The following RARB variants were observed in gnomAD, a reference collection of about 807,000 sequenced individuals.
RARB encodes retinoic acid receptor beta.
In RARB, 17 loss-of-function variants were observed where a neutral mutation model predicts 51.9. That is an observed-to-expected ratio of 0.33 (90% CI 0.22 to 0.49). The LOEUF (loss-of-function observed/expected upper bound fraction) is 0.49. Among genes scored for constraint, RARB ranks in the 20% least tolerant of loss-of-function variants. RARB has a pLI of 0.99. For synonymous variants in RARB, 215 were observed against 195.4 expected, an observed-to-expected ratio of 1.10 and a Z score of -0.84; for missense variants, 369 against 550.8, an observed-to-expected ratio of 0.67 and a Z score of 3.30.
At chr3:25,398,647 C>G (rs1042343247) in intron 5 of RARB, among the ~76,000 whole-genome samples, 2 of 152,150 alleles carry the variant, frequency 1.3e-5, no homozygotes, top group Non-Finnish European at 1.5e-5. Flanking sequence ...TTTCTTCTCC[C>G]TATATGGGAA....
At chr3:24,877,043 T>C (rs1417876811) in intron 2 of RARB, among the ~76,000 whole-genome samples, 1 of 152,172 alleles carries the variant, frequency 6.6e-6, no homozygotes, top group Non-Finnish European at 1.5e-5. Flanking sequence ...GTAAATGTAT[T>C]TGTTTTATCA....
At chr3:25,389,683 C>T (rs6771459) in intron 5 of RARB, among the ~76,000 whole-genome samples, 4,606 of 152,254 alleles carry the variant, frequency 0.03, 231 homozygotes, top group African/African-American at 0.1. Context: ...TCCCTTCTGT[C>T]TTCAGTACAG....
At position 25,229,305 on chromosome 3, in the gene RARB, TA is replaced by T. The variant is rs1057026153; in HGVS notation, c.178+54731del. Among the ~76,000 whole-genome samples, 7 of 152,168 alleles carry T rather than the reference TA, an allele frequency of 4.6e-5. No individual in the cohort carries two copies. The East Asian group carries it at 1.3e-3, about 29-fold the overall frequency. On this transcript the variant is annotated intron_variant, in intron 5 of 11. Coordinates refer to the RARB transcript ENST00000383772. ...CTTCTACGCATTTTAAGAAAGATAA[TA>T]TACATAACTTTATTATCTTTTACCA...
chr3:25,337,747 G>T (rs1705105360), intron 5 of RARB, among the ~76,000 whole-genome samples: 2 of 151,968 alleles, frequency 1.3e-5, no homozygotes, highest in South Asian at 4.2e-4. Flanking sequence ...TTTGTGTGCA[G>T]CACTATTACC....
At chr3:25,419,226 AT>A (rs1209303989) in intron 5 of RARB, among the ~76,000 whole-genome samples, 1 of 152,114 alleles carries the variant, frequency 6.6e-6, no homozygotes, top group Non-Finnish European at 1.5e-5. Context: ...CAGGGAGGGC[AT>A]CTCTGACATG....
At chr3:25,005,851 T>A (rs760693913) in intron 2 of RARB, among the ~76,000 whole-genome samples, 1 of 152,150 alleles carries the variant, frequency 6.6e-6, no homozygotes, top group Non-Finnish European at 1.5e-5. Context: ...TTCAATGGTT[T>A]TCTATTTCAC....
intron 5 of RARB, among the ~76,000 whole-genome samples, chr3:25,250,135 G>A (rs1702675551): frequency 6.6e-6 from 1 of 152,178 alleles, no homozygotes; most frequent in South Asian, 2.1e-4. Flanking sequence ...AGGCCTGCAG[G>A]TGGCATGTAC....
At chr3:25,069,818 A>G (rs1698733253) in intron 3 of RARB, among the ~76,000 whole-genome samples, 1 of 152,190 alleles carries the variant, frequency 6.6e-6, no homozygotes, top group Non-Finnish European at 1.5e-5. Context: ...GAGACACAAA[A>G]TGAACAGTAC....
At chr3:25,126,023 G>A (rs920793393) in intron 3 of RARB, among the ~76,000 whole-genome samples, 9 of 152,116 alleles carry the variant, frequency 5.9e-5, no homozygotes, top group African/African-American at 2.2e-4. Context: ...CTGTATAAAT[G>A]GTTCCATTCT....
chr3:25,369,507 C>T (rs1256675998), intron 5 of RARB, among the ~76,000 whole-genome samples: 1 of 152,166 alleles, frequency 6.6e-6, no homozygotes, highest in Non-Finnish European at 1.5e-5. Flanking sequence ...AGTCCCATGG[C>T]AAAGAAATAT....
intron 3 of RARB, among the ~76,000 whole-genome samples, chr3:25,556,028 G>A (rs1052777988): frequency 7.4e-5 from 11 of 149,176 alleles, no homozygotes; most frequent in African/African-American, 2.7e-4. Context: ...TGACCCCTTA[G>A]CAGAAGCATT....
At chr3:25,457,992 C>T (rs1445916456) in intron 1 of RARB, among the ~76,000 whole-genome samples, 1 of 152,188 alleles carries the variant, frequency 6.6e-6, no homozygotes. Context: ...AATCAAACCA[C>T]TCCAAAAGGT....
At chr3:25,568,756 T>G (rs1345079067) in intron 3 of RARB, among the ~76,000 whole-genome samples, 1 of 152,206 alleles carries the variant, frequency 6.6e-6, no homozygotes, top group Non-Finnish European at 1.5e-5. Context: ...AGTGGTGGCA[T>G]GCACAGCCAG....
intron 5 of RARB, among the ~76,000 whole-genome samples, chr3:25,251,692 AT>A (rs1702725216): frequency 6.6e-6 from 1 of 152,200 alleles, no homozygotes; most frequent in South Asian, 2.1e-4. Flanking sequence ...TACTTAGCCC[AT>A]TTTTTAATTG....
chr3:25,413,876 A>G (rs1361946201), intron 5 of RARB, among the ~76,000 whole-genome samples: 2 of 152,270 alleles, frequency 1.3e-5, no homozygotes, highest in African/African-American at 2.4e-5. Context: ...GCTCAATACT[A>G]TTTTCCATGA....
chr3:24,966,840 C>G (rs566924587), intron 2 of RARB, among the ~76,000 whole-genome samples: 2 of 152,180 alleles, frequency 1.3e-5, no homozygotes, highest in South Asian at 2.1e-4. Context: ...AAAAATCATT[C>G]AGGTGATCAT....
intron 4 of RARB, among the ~76,000 whole-genome samples, chr3:25,171,454 T>A (rs1213823720): frequency 1.5e-5 from 2 of 131,526 alleles, no homozygotes; most frequent in Non-Finnish European, 3.2e-5. Flanking sequence ...TTTTTTTTTT[T>A]TTTTTTTGCC....
At chr3:24,883,562 C>T (rs1703213315) in intron 2 of RARB, among the ~76,000 whole-genome samples, 1 of 152,126 alleles carries the variant, frequency 6.6e-6, no homozygotes, top group African/African-American at 2.4e-5. Flanking sequence ...AAAAAATCAT[C>T]AAACCATCAG....
chr3:25,137,853 C>T lies in RARB; in HGVS notation c.-280+5645C>T, dbSNP rs112615007. On this transcript the variant is annotated intron_variant, in intron 4 of 11. Transcript: ENST00000383772. ...TCGGCCCACAGCCATGACTGAGAGGCGAAACTACTTTGTAAGACCTGAAGG... is the reference window on the plus strand; with the variant it reads ...TCGGCCCACAGCCATGACTGAGAGGTGAAACTACTTTGTAAGACCTGAAGG... Among the ~76,000 whole-genome samples, 457 of 152,164 alleles carry T rather than the reference C, an allele frequency of 3.0e-3. 2 individuals carry two copies. Among genetic ancestry groups the T allele is most frequent in the Non-Finnish European group, 3.7e-3 (252 of 67,970 alleles).
Sources: allele counts gnomAD v4.1 joint callset (sites outside exome capture counted in the v4.1 genomes callset), GRCh38; gene constraint gnomAD v4.1.1; transcripts MANE v1.5; gene names NCBI Gene and HGNC (gene_info 2026-07-23, HGNC 2026-07-21).